The following ZNF607 variants were observed in gnomAD, a reference collection of about 807,000 sequenced individuals.
ZNF607 encodes zinc finger protein 607.
In ZNF607, 5 loss-of-function variants were observed where a neutral mutation model predicts 12.8. That is an observed-to-expected ratio of 0.39 (90% CI 0.20 to 0.82). The LOEUF (loss-of-function observed/expected upper bound fraction) is 0.82. ZNF607 is among the 40% of genes least tolerant of loss of function. ZNF607 has a pLI of 0.39. For synonymous variants in ZNF607, 287 were observed against 276.2 expected, an observed-to-expected ratio of 1.04 and a Z score of -0.39; for missense variants, 851 against 859.2, an observed-to-expected ratio of 0.99 and a Z score of 0.12.
At position 37,707,072 on chromosome 19, in the gene ZNF607, C is replaced by T. The variant is rs150609219; in HGVS notation, c.235+842G>A. Among the ~76,000 whole-genome samples, 1,277 of 152,268 alleles carry T rather than the reference C, an allele frequency of 8.4e-3. 11 individuals carry two copies. Among genetic ancestry groups the T allele is most frequent in the Non-Finnish European group, 0.011 (765 of 68,016 alleles). ...ACCTCCTGTCTTCAAGTGATCTGCC[C>T]GCCTCGGCCTACCAAAGTGCTGGGA... On this transcript the variant is annotated intron_variant, in intron 4 of 4. Coordinates refer to ENST00000355202, the MANE Select transcript of ZNF607 (RefSeq NM_032689.5).
In ZNF607 at chr19:37,697,702, A is replaced by C; in HGVS notation, c.*338T>G. The C allele has an allele frequency of 3.2e-6, 1 of 308,610 alleles. No individual in the cohort carries two copies. Among genetic ancestry groups the C allele is most frequent in the East Asian group, 6.5e-5 (1 of 15,402 alleles). 19.1% of individuals were successfully genotyped at this position (308,610 alleles called of 1,614,324 possible). ...ATGATTGTTGCTGGAAGATGTTTACATGCAAGTATAAAGAATGGTTTCCTA... is the reference window on the plus strand; with the variant it reads ...ATGATTGTTGCTGGAAGATGTTTACCTGCAAGTATAAAGAATGGTTTCCTA... On this transcript the variant is annotated 3_prime_UTR_variant, in exon 5 of 5. Transcript: ENST00000355202.
intron 4 of ZNF607, among the ~76,000 whole-genome samples, chr19:37,703,191 C>T (rs150010708): frequency 2.6e-5 from 4 of 151,416 alleles, no homozygotes; most frequent in South Asian, 2.1e-4. Flanking sequence ...TCAGGTGATC[C>T]GCCCGCCTTG....
At chr19:37,700,163 G>A (rs1036727854) in intron 4 of ZNF607, among the ~76,000 whole-genome samples, 1 of 152,024 alleles carries the variant, frequency 6.6e-6, no homozygotes, top group Non-Finnish European at 1.5e-5. Flanking sequence ...TCCCACTGAG[G>A]GCAATTTCTA....
At chr19:37,711,097 C>T (rs575310946) in intron 2 of ZNF607, among the ~76,000 whole-genome samples, 26 of 152,304 alleles carry the variant, frequency 1.7e-4, no homozygotes, top group Middle Eastern at 3.4e-3. Context: ...TCCAAATCCA[C>T]GATTTCTGTG....
chr19:37,701,083 C>T (rs888665063), intron 4 of ZNF607, among the ~76,000 whole-genome samples: 2 of 152,036 alleles, frequency 1.3e-5, no homozygotes, highest in South Asian at 4.2e-4. Context: ...ATTTTACCCC[C>T]TATCTTGTAA....
Position 37,699,106 on chromosome 19 carries a change from T to C in ZNF607, c.1025A>G (p.Asn342Ser), listed in dbSNP as rs2045012498. 6.2e-7 allele frequency: 1 copy of C among 1,613,962 alleles called. No homozygotes were observed. The highest frequency in any genetic ancestry group is 1.3e-5 in the African/African-American group (1 of 74,900). ...SGEKHYECKENGEAFSSGHQL... is the reference protein window; with the variant it reads ...SGEKHYECKESGEAFSSGHQL... ...ATGGCCACTACTAAAAGCCTCCCCA[T>C]TTTCTTTACATTCATAGTGTTTCTC... is the stretch of plus-strand genomic sequence containing the variant. The change falls in exon 5 of 5, where the codon AAT becomes AGT. Residue 342 changes from asparagine (N) to serine (S), a missense_variant. Coordinates refer to ENST00000355202, the MANE Select transcript of ZNF607 (RefSeq NM_032689.5).
At chr19:37,718,224 C>T (rs952442091) in intron 1 of ZNF607, among the ~76,000 whole-genome samples, 5 of 152,088 alleles carry the variant, frequency 3.3e-5, no homozygotes, top group Non-Finnish European at 7.3e-5. Context: ...CACCAATGAC[C>T]GAGAATTCCT....
intron 2 of ZNF607, 90 bp downstream of exon 2, chr19:37,711,520 C>G (rs1010693827): frequency 7.5e-7 from 1 of 1,340,980 alleles, no homozygotes; most frequent in South Asian, 1.2e-5. Flanking sequence ...CACCGTCTCA[C>G]GAAGGTAACT....
chr19:37,698,259 CTT>C lies in ZNF607; in HGVS notation c.1870_1871del (p.Lys624GlyfsTer10). On this transcript the variant is annotated frameshift_variant, in exon 5 of 5. Transcript: ENST00000355202. LOFTEE classifies it low-confidence loss of function (END_TRUNC). The stretch of plus-strand genomic sequence containing the variant: ...CAAGATATGAGGCACAGTGAAATGC[CTT>C]CCCACATCTTTTACATTCATAGGGT... ...DKPYECKRCG[K>X]AFHCASYLVR... 2 of 1,614,126 alleles carry C rather than the reference CTT, an allele frequency of 1.2e-6. No individual in the cohort carries two copies. Among genetic ancestry groups the C allele is most frequent in the Non-Finnish European group, 1.7e-6 (2 of 1,180,034 alleles).
chr19:37,702,554 A>T (rs139032828), intron 4 of ZNF607, among the ~76,000 whole-genome samples: 1 of 152,350 alleles, frequency 6.6e-6, no homozygotes, highest in African/African-American at 2.4e-5. Flanking sequence ...TATACAAAAA[A>T]TGCTAACAAG....
intron 4 of ZNF607, among the ~76,000 whole-genome samples, chr19:37,701,908 A>G (rs148145346): frequency 4.9e-4 from 75 of 152,366 alleles, no homozygotes; most frequent in African/African-American, 1.7e-3. Context: ...AAATTATACA[A>G]CTGAAACATA....
rs919367302 is a variant in ZNF607 at position 37,719,590 on chromosome 19, A to G, written c.-396T>C. Reference sequence around the variant, plus strand: ...TCCCGGAACCGGAGCCAGGGGTCCAAGTTTTCTCCGTTGCCTTTGTAATAT... The same window carrying G: ...TCCCGGAACCGGAGCCAGGGGTCCAGGTTTTCTCCGTTGCCTTTGTAATAT... On this transcript the variant is annotated 5_prime_UTR_variant, in exon 1 of 5. Transcript: ENST00000355202. 2 of 152,384 alleles carry G rather than the reference A, an allele frequency of 1.3e-5. No homozygotes were observed. The highest frequency in any genetic ancestry group is 2.4e-5 in the African/African-American group (1 of 41,486). The allele number at this position is 152,384 out of a possible 1,614,324, so 9.4% of individuals were successfully genotyped here. A position where few individuals can be genotyped will look rare whatever the true frequency, so the allele number is the denominator to read the frequency against.
At position 37,709,911 on chromosome 19, in the gene ZNF607, C is replaced by T. The variant is rs1051877422; in HGVS notation, c.10-89G>A. The T allele has an allele frequency of 5.4e-6, 8 of 1,481,080 alleles. No individual in the cohort carries two copies. The African/African-American group carries it at 1.1e-4, about 21-fold the overall frequency. 91.7% of individuals were successfully genotyped at this position (1,481,080 alleles called of 1,614,324 possible). ...GTGGCTCACGCCTGTAATCCCAGCA[C>T]TTTGGGAGGCCGAGGCGGGCAGATC... On this transcript the variant is annotated intron_variant, in intron 2 of 4. Coordinates refer to ENST00000355202, the MANE Select transcript of ZNF607 (RefSeq NM_032689.5).
chr19:37,711,635 G>C lies in ZNF607; in HGVS notation c.-17C>G. 1 of 1,613,818 alleles carries C rather than the reference G, an allele frequency of 6.2e-7. No homozygotes were observed. Among genetic ancestry groups the C allele is most frequent in the South Asian group, 1.1e-5 (1 of 91,086 alleles). ...ATAGGACATGGTTTGAGACTGGCAA[G>C]AGTTGATCAGTCCTTGGCGTTTCTC... is the stretch of plus-strand genomic sequence containing the variant. On this transcript the variant is annotated 5_prime_UTR_variant, in exon 2 of 5. Transcript: ENST00000355202.
intron 4 of ZNF607, among the ~76,000 whole-genome samples, chr19:37,702,911 C>T (rs956982594): frequency 6.6e-6 from 1 of 152,052 alleles, no homozygotes; most frequent in African/African-American, 2.4e-5. Context: ...CAAGGAGATA[C>T]AACCCAAAAG....
intron 1 of ZNF607, among the ~76,000 whole-genome samples, chr19:37,712,285 CCAATA>C (rs2045139611): frequency 6.6e-6 from 1 of 152,234 alleles, no homozygotes; most frequent in Admixed American, 6.5e-5. Context: ...ATCAGACTGA[CCAATA>C]CATTTATTTT....
At position 37,699,315 on chromosome 19, in the gene ZNF607, C is replaced by A; in HGVS notation, c.816G>T (p.Gln272His). ...GTGGCTTCTCTCCAGTATGAATACT[C>A]TGATGTACTTTAAGGCCTGCTTTGA... Reference protein sequence around the residue: ...FRLKAGLKVHQSIHTGEKPHE... With the variant: ...FRLKAGLKVHHSIHTGEKPHE... The change falls in exon 5 of 5, where the codon CAG becomes CAT. Residue 272 changes from glutamine (Q) to histidine (H), a missense_variant. Physicochemically the swap from Gln to His is conservative, Grantham distance 24. Coordinates refer to ENST00000355202, the MANE Select transcript of ZNF607 (RefSeq NM_032689.5). 1 of 1,613,404 alleles carries A rather than the reference C, an allele frequency of 6.2e-7. No homozygotes were observed. Among genetic ancestry groups the A allele is most frequent in the Non-Finnish European group, 8.5e-7 (1 of 1,179,806 alleles).
chr19:37,707,709 G>A (rs7255313), intron 4 of ZNF607, among the ~76,000 whole-genome samples: 48,466 of 152,000 alleles, frequency 0.32, 8,187 homozygotes, highest in Non-Finnish European at 0.38. Context: ...CAAAGCGCTG[G>A]GATTACAAGC....
At position 37,698,432 on chromosome 19, in the gene ZNF607, C is replaced by T; in HGVS notation, c.1699G>A (p.Gly567Ser). 5 of 1,614,144 alleles carry T rather than the reference C, an allele frequency of 3.1e-6. No homozygotes were observed. Among genetic ancestry groups the T allele is most frequent in the Non-Finnish European group, 2.5e-6 (3 of 1,180,004 alleles). The change falls in exon 5 of 5, where the codon GGC (glycine) becomes AGC (serine). Residue 567 changes from glycine to serine, a missense_variant. Physicochemically the swap from Gly to Ser is moderately conservative, Grantham distance 56 (BLOSUM62 0). Transcript: ENST00000355202. ...AEKPYECKECGKAFRHATSLI... is the reference protein window; with the variant it reads ...AEKPYECKECSKAFRHATSLI... ...CTTGTGGCATGACGAAAGGCCTTGC[C>T]ACATTCCTTACATTCGTAGGGTTTC... is the stretch of plus-strand genomic sequence containing the variant.
Sources: allele counts gnomAD v4.1 joint callset (sites outside exome capture counted in the v4.1 genomes callset), GRCh38; gene constraint gnomAD v4.1.1; transcripts MANE v1.5; gene names NCBI Gene and HGNC (gene_info 2026-07-23, HGNC 2026-07-21).